EML5: variants seen among roughly 807,000 people sequenced by gnomAD.
The protein encoded by EML5 is echinoderm microtubule-associated protein-like 5.
A neutral mutation model predicts 250.0 loss-of-function variants in EML5; 120 were observed. That is an observed-to-expected ratio of 0.48 (90% CI 0.41 to 0.56). EML5 has a LOEUF of 0.56. Ranked by LOEUF, EML5 falls within the 20% of genes least tolerant of loss-of-function variation. The pLI, the probability that EML5 is intolerant of heterozygous loss-of-function variation, is 0.00. For missense variants in EML5, 2,006 were observed against 2,437.6 expected (o/e 0.82, Z 3.73); for synonymous variants, 771 against 806.5 (o/e 0.96, Z 0.75).
chr14:88,770,919 T>G (rs866401594), intron 1 of EML5, among the ~76,000 whole-genome samples: 2 of 152,240 alleles, frequency 1.3e-5, no homozygotes, highest in South Asian at 2.1e-4. Flanking sequence ...TTCTTCTTCC[T>G]ATTAATATTG....
chr14:88,636,941 T>G (rs1292520595), intron 32 of EML5, among the ~76,000 whole-genome samples: 1 of 152,180 alleles, frequency 6.6e-6, no homozygotes. Context: ...TACTTGGCCC[T>G]AAAATTCCAA....
chr14:88,783,278 G>T (rs2060545624), intron 1 of EML5, among the ~76,000 whole-genome samples: 1 of 152,184 alleles, frequency 6.6e-6, no homozygotes, highest in Admixed American at 6.5e-5. Context: ...GCCTAGTAGA[G>T]CTGTGAAAAG....
chr14:88,660,414 G>GCACAGCA (rs1414648328), intron 25 of EML5, among the ~76,000 whole-genome samples: 2 of 152,006 alleles, frequency 1.3e-5, no homozygotes, highest in Non-Finnish European at 2.9e-5. Flanking sequence ...TTAAGTACTT[G>GCACAGCA]CACAGCACAC....
Position 88,688,380 on chromosome 14 carries a change from G to A in EML5, c.2633C>T (p.Ala878Val), listed in dbSNP as rs2092884434. The A allele has an allele frequency of 1.9e-6, 3 of 1,613,936 alleles. No homozygotes were observed. The highest frequency in any genetic ancestry group is 2.5e-6 in the Non-Finnish European group (3 of 1,179,886). The change falls in exon 18 of 44, where the codon GCT becomes GTT. Residue 878 changes from alanine (A) to valine (V), a missense_variant. Transcript: ENST00000554922. Reference sequence around the variant, plus strand: ...ATCTCCTGTGGATGTTCCAGAAAAAGCCATCTCTTCAGTCCATCCATACAC... The same window carrying A: ...ATCTCCTGTGGATGTTCCAGAAAAAACCATCTCTTCAGTCCATCCATACAC... ...CAVYGWTEEM[A>V]FSGTSTGDVC... is the part of the protein sequence containing the mutation.
At chr14:88,753,759 T>C (rs1169829357) in intron 2 of EML5, among the ~76,000 whole-genome samples, 1 of 152,220 alleles carries the variant, frequency 6.6e-6, no homozygotes, top group Non-Finnish European at 1.5e-5. Flanking sequence ...ACTTTGATTT[T>C]GTATAAAAAA....
intron 7 of EML5, among the ~76,000 whole-genome samples, chr14:88,730,524 G>C (rs1255377043): frequency 1.3e-5 from 2 of 152,184 alleles, no homozygotes; most frequent in African/African-American, 4.8e-5. Flanking sequence ...TGTGAGAACA[G>C]TTGCTCCAAA....
At chr14:88,660,438 C>A (rs533389360) in intron 25 of EML5, among the ~76,000 whole-genome samples, 1 of 151,930 alleles carries the variant, frequency 6.6e-6, no homozygotes, top group African/African-American at 2.4e-5. Flanking sequence ...AGCATAGGTA[C>A]GTAGAATGCC....
chr14:88,693,751 TA>T lies in EML5; in HGVS notation c.2539+555del, dbSNP rs545523263. Among the ~76,000 whole-genome samples, 225 of 147,842 alleles carry T rather than the reference TA, an allele frequency of 1.5e-3. 2 individuals are homozygous for T. Among genetic ancestry groups the T allele is most frequent in the Middle Eastern group, 3.5e-3 (1 of 282 alleles). The stretch of plus-strand genomic sequence containing the variant: ...TTCTCTTATACACTTCAGTTTCTAC[TA>T]ATGTTAACATCTTTTTTTTTTTTTT... On this transcript the variant is annotated intron_variant, in intron 17 of 43. Coordinates refer to ENST00000554922, the MANE Select transcript of EML5 (RefSeq NM_183387.3).
At chr14:88,777,247 C>CA (rs56917346) in intron 1 of EML5, among the ~76,000 whole-genome samples, 60,259 of 151,936 alleles carry the variant, frequency 0.4, 14,257 homozygotes, top group African/African-American at 0.64. Context: ...GAAGACTTTA[C>CA]AGTGGAAACC....
At chr14:88,639,615 T>C (rs560580613) in intron 31 of EML5, among the ~76,000 whole-genome samples, 27 of 152,272 alleles carry the variant, frequency 1.8e-4, no homozygotes, top group Non-Finnish European at 3.1e-4. Context: ...CTCACTCTGT[T>C]GCCCAGGGTG....
intron 6 of EML5, among the ~76,000 whole-genome samples, chr14:88,736,814 TC>T (rs1230779395): frequency 6.6e-6 from 1 of 152,178 alleles, no homozygotes; most frequent in Non-Finnish European, 1.5e-5. Context: ...CACATATTTA[TC>T]CTTCCCTAAT....
chr14:88,766,559 C>T (rs192996194), intron 1 of EML5, among the ~76,000 whole-genome samples: 1 of 152,256 alleles, frequency 6.6e-6, no homozygotes, highest in East Asian at 1.9e-4. Flanking sequence ...ACCCGGTCTC[C>T]TGATGTTACC....
intron 27 of EML5, among the ~76,000 whole-genome samples, chr14:88,652,802 T>C (rs1240673111): frequency 6.6e-6 from 1 of 152,214 alleles, no homozygotes; most frequent in Non-Finnish European, 1.5e-5. Context: ...ACCTTTGATT[T>C]TGAAACACTA....
intron 16 of EML5, 34 bp from the exon 17 acceptor site, chr14:88,694,441 G>T: frequency 7.2e-7 from 1 of 1,395,526 alleles, no homozygotes; most frequent in Non-Finnish European, 9.9e-7. Flanking sequence ...TAGCTCTGAA[G>T]ATTCATCATT....
chr14:88,765,479 A>C (rs1011136138), intron 1 of EML5, among the ~76,000 whole-genome samples: 12 of 152,268 alleles, frequency 7.9e-5, no homozygotes, highest in South Asian at 2.1e-4. Flanking sequence ...GTTCTTCTCA[A>C]GCTTTGAATC....
chr14:88,719,449 T>C (rs751647882), intron 8 of EML5, among the ~76,000 whole-genome samples: 1 of 152,202 alleles, frequency 6.6e-6, no homozygotes, highest in Non-Finnish European at 1.5e-5. Flanking sequence ...CCATACCCTG[T>C]GGGAAACCTT....
chr14:88,754,405 C>A (rs1186963189), intron 2 of EML5, 107 bp downstream of exon 2: 112 of 1,095,206 alleles, frequency 1.0e-4, no homozygotes, highest in Non-Finnish European at 1.3e-4. Flanking sequence ...CACCTTTGGA[C>A]AAATAATTTT....
intron 25 of EML5, among the ~76,000 whole-genome samples, chr14:88,660,328 A>G (rs1411872835): frequency 6.6e-6 from 1 of 151,966 alleles, no homozygotes; most frequent in Non-Finnish European, 1.5e-5. Flanking sequence ...TGGACTTGAT[A>G]TATAAATTTT....
chr14:88,738,919 A>T lies in EML5; in HGVS notation c.807T>A (p.Ile269=). Residue 269 remains isoleucine (I), a synonymous_variant, in exon 6 of 44, where the codon ATT becomes ATA. Coordinates refer to ENST00000554922, the MANE Select transcript of EML5 (RefSeq NM_183387.3). ...CTGTTTCCCTGAGATCAATCACAGT[A>T]ATTGGTTTAAAAGTTAAATCCCAAA... ...IRLWDLTFKP[I]TVIDLRETDQ... is the part of the protein sequence containing the mutation. 1.3e-6 allele frequency: 2 copies of T among 1,590,826 alleles called. No individual in the cohort carries two copies. The highest frequency in any genetic ancestry group is 1.7e-6 in the Non-Finnish European group (2 of 1,167,704).
Sources: allele counts gnomAD v4.1 joint callset (sites outside exome capture counted in the v4.1 genomes callset), GRCh38; gene constraint gnomAD v4.1.1; transcripts MANE v1.5; gene names NCBI Gene and HGNC (gene_info 2026-07-23, HGNC 2026-07-21).